The following GMDS variants were observed in gnomAD, a reference collection of about 807,000 sequenced individuals.
GMDS encodes GDP-mannose 4,6-dehydratase, also known as GDP-mannose 4,6 dehydratase.
GMDS carries 20 observed loss-of-function variants against 49.9 expected under a neutral mutation model. That is an observed-to-expected ratio of 0.40 (90% CI 0.28 to 0.58). The LOEUF (loss-of-function observed/expected upper bound fraction) is 0.58, where lower values mean the gene tolerates loss of function less well. Ranked by LOEUF, GMDS falls within the 20% of genes least tolerant of loss-of-function variation. The pLI, the probability that GMDS is intolerant of heterozygous loss-of-function variation, is 0.42. For missense variants in GMDS, 362 were observed against 481.4 expected (o/e 0.75, Z 2.32); for synonymous variants, 177 against 178.6 (o/e 0.99, Z 0.07).
chr6:2,095,703 A>G (rs1251471575), intron 4 of GMDS, among the ~76,000 whole-genome samples: 2 of 152,230 alleles, frequency 1.3e-5, no homozygotes, highest in Non-Finnish European at 2.9e-5. Context: ...TCTCTTTAAT[A>G]TACGGGAATC....
chr6:2,030,830 G>A (rs1348032713), intron 4 of GMDS, among the ~76,000 whole-genome samples: 3 of 152,170 alleles, frequency 2.0e-5, no homozygotes, highest in Non-Finnish European at 4.4e-5. Flanking sequence ...TTGGGACATA[G>A]TGATATATAG....
intron 4 of GMDS, among the ~76,000 whole-genome samples, chr6:2,059,304 A>G (rs1770980187): frequency 6.6e-6 from 1 of 151,988 alleles, no homozygotes; most frequent in African/African-American, 2.4e-5. Flanking sequence ...GAGGCATATT[A>G]AAAATCTGAT....
At chr6:1,769,687 G>A (rs773810496) in intron 7 of GMDS, among the ~76,000 whole-genome samples, 6 of 150,078 alleles carry the variant, frequency 4.0e-5, no homozygotes, top group Non-Finnish European at 8.9e-5. Flanking sequence ...GTAACACAGA[G>A]TTTAAATGTT....
At chr6:2,132,677 G>A (rs1201647068) in intron 1 of GMDS, among the ~76,000 whole-genome samples, 1 of 152,260 alleles carries the variant, frequency 6.6e-6, no homozygotes, top group East Asian at 1.9e-4. Context: ...ATGGCACAGT[G>A]CCCTGGAAAA....
At chr6:1,733,272 G>A (rs1766885187) in intron 8 of GMDS, among the ~76,000 whole-genome samples, 3 of 152,242 alleles carry the variant, frequency 2.0e-5, no homozygotes, top group African/African-American at 7.2e-5. Flanking sequence ...CCAGGGAGGA[G>A]GGCGGTCAGC....
At chr6:1,761,785 C>T (rs1235664425) in intron 7 of GMDS, among the ~76,000 whole-genome samples, 1 of 152,168 alleles carries the variant, frequency 6.6e-6, no homozygotes, top group African/African-American at 2.4e-5. Context: ...GTTGGGAAAT[C>T]TCGCTCACAA....
intron 9 of GMDS, among the ~76,000 whole-genome samples, chr6:1,677,101 T>C (rs9501757): frequency 0.89 from 134,775 of 152,258 alleles, 59,863 homozygotes; most frequent in Middle Eastern, 0.95. Flanking sequence ...CAAACAACCC[T>C]ATCAAAAAGT....
chr6:1,990,244 C>T (rs1292628167), intron 4 of GMDS, among the ~76,000 whole-genome samples: 1 of 152,094 alleles, frequency 6.6e-6, no homozygotes, highest in Non-Finnish European at 1.5e-5. Context: ...TGCAGTGAGC[C>T]GAGATGGCAC....
chr6:2,032,964 A>G (rs1769063876), intron 4 of GMDS, among the ~76,000 whole-genome samples: 1 of 152,236 alleles, frequency 6.6e-6, no homozygotes, highest in Non-Finnish European at 1.5e-5. Context: ...ATTTTTAAAA[A>G]TTCTAAATTG....
intron 1 of GMDS, among the ~76,000 whole-genome samples, chr6:2,168,708 A>G (rs1777795862): frequency 6.6e-6 from 1 of 152,254 alleles, no homozygotes; most frequent in Non-Finnish European, 1.5e-5. Flanking sequence ...TTCTTTTAAA[A>G]GAAACTCTTA....
chr6:1,676,131 AC>A (rs1171646458), intron 9 of GMDS, among the ~76,000 whole-genome samples: 1 of 152,204 alleles, frequency 6.6e-6, no homozygotes, highest in African/African-American at 2.4e-5. Context: ...ATTCTTATAC[AC>A]CAATAACAGA....
chr6:1,753,906 T>C (rs6596852), intron 7 of GMDS, among the ~76,000 whole-genome samples: 149,310 of 152,320 alleles, frequency 0.98, 73,196 homozygotes, highest in East Asian at 1. Flanking sequence ...TAATTTATAG[T>C]ACTAAATGCC....
At chr6:1,986,098 C>A (rs891383836) in intron 4 of GMDS, among the ~76,000 whole-genome samples, 11 of 152,182 alleles carry the variant, frequency 7.2e-5, no homozygotes, top group African/African-American at 2.4e-4. Context: ...ATTTCTTTTA[C>A]TCAAAATAAC....
At chr6:2,165,259 G>C (rs1379901892) in intron 1 of GMDS, among the ~76,000 whole-genome samples, 1 of 152,310 alleles carries the variant, frequency 6.6e-6, no homozygotes, top group East Asian at 1.9e-4. Flanking sequence ...CAGTATGAGA[G>C]AGAAACTGGC....
At chr6:2,140,811 T>C (rs1290024886) in intron 1 of GMDS, among the ~76,000 whole-genome samples, 3 of 152,180 alleles carry the variant, frequency 2.0e-5, no homozygotes, top group Non-Finnish European at 1.5e-5. Flanking sequence ...GGTGAGGAAA[T>C]CCAGGACCCT....
At chr6:2,079,850 G>A (rs978783107) in intron 4 of GMDS, among the ~76,000 whole-genome samples, 2 of 152,128 alleles carry the variant, frequency 1.3e-5, no homozygotes, top group African/African-American at 4.8e-5. Context: ...TCATTTGATA[G>A]ATTTGGGAAG....
chr6:1,906,432 C>A (rs1354380410), intron 7 of GMDS, among the ~76,000 whole-genome samples: 1 of 152,190 alleles, frequency 6.6e-6, no homozygotes, highest in Non-Finnish European at 1.5e-5. Flanking sequence ...AGTAAAATAA[C>A]CTGGGTCAAA....
chr6:1,727,108 C>T (rs529469128), intron 8 of GMDS, among the ~76,000 whole-genome samples: 2 of 152,132 alleles, frequency 1.3e-5, no homozygotes, highest in Non-Finnish European at 2.9e-5. Context: ...AAGTACAGAA[C>T]TAATTGTTTG....
At chr6:1,992,076 G>T (rs887139352) in intron 4 of GMDS, among the ~76,000 whole-genome samples, 2 of 152,250 alleles carry the variant, frequency 1.3e-5, no homozygotes, top group African/African-American at 2.4e-5. Flanking sequence ...CCTCCAGAAT[G>T]GTGAGACAAT....
Sources: gnomAD v4.1 joint callset for allele counts (sites outside exome capture counted in the v4.1 genomes callset) on GRCh38, gnomAD v4.1.1 for gene constraint, MANE v1.5 for transcripts, NCBI Gene and HGNC (gene_info 2026-07-23, HGNC 2026-07-21) for gene names.